Variants in EDARADD observed in about 807,000 individuals in gnomAD.
The protein encoded by EDARADD is ectodysplasin-A receptor-associated adapter protein.
A neutral mutation model predicts 25.6 loss-of-function variants in EDARADD; 20 were observed. The ratio of observed to expected loss-of-function variants is 0.78; its 90% confidence interval spans 0.55 to 1.14. The LOEUF is 1.14. Among genes scored for constraint, EDARADD ranks in the 50% most tolerant of loss-of-function variants. The pLI, the probability that EDARADD is intolerant of heterozygous loss-of-function variation, is 0.00. For synonymous variants in EDARADD, 86 were observed against 94.4 expected, an observed-to-expected ratio of 0.91 and a Z score of 0.52; for missense variants, 225 against 270.1, an observed-to-expected ratio of 0.83 and a Z score of 1.17.
At chr1:236,426,258 G>A (rs983595848) in intron 3 of EDARADD, among the ~76,000 whole-genome samples, 26 of 152,070 alleles carry the variant, frequency 1.7e-4, no homozygotes, top group Admixed American at 1.4e-3. Context: ...CATTACAGGC[G>A]TGAGCCACCA....
At chr1:236,373,797 C>T (rs1010922620) in intron 3 of EDARADD, among the ~76,000 whole-genome samples, 3 of 152,136 alleles carry the variant, frequency 2.0e-5, no homozygotes, top group Non-Finnish European at 4.4e-5. Flanking sequence ...TACATTCAAA[C>T]TATAAATTTC....
Position 236,482,788 on chromosome 1 carries a change from T to C in EDARADD, c.*139T>C. 1 of 1,251,928 alleles carries C rather than the reference T, an allele frequency of 8.0e-7. No homozygotes were observed. Among genetic ancestry groups the C allele is most frequent in the Non-Finnish European group, 1.1e-6 (1 of 884,112 alleles). 77.6% of individuals were successfully genotyped at this position (1,251,928 alleles called of 1,614,324 possible). A position where few individuals can be genotyped will look rare whatever the true frequency, so the allele number is the denominator to read the frequency against. ...CACTGGTTTTCCCCAAAGCTGGCAG[T>C]TTTGTGGAGGGGTAGCTTGTTTCGG... On this transcript the variant is annotated 3_prime_UTR_variant, in exon 6 of 6. Transcript: ENST00000334232.
intron 4 of EDARADD, among the ~76,000 whole-genome samples, chr1:236,438,835 C>T (rs183565958): frequency 1.3e-5 from 2 of 152,226 alleles, no homozygotes; most frequent in East Asian, 1.9e-4. Context: ...GATGAACCTA[C>T]GCTGACACAC....
Position 236,454,597 on chromosome 1 carries a change from G to A in EDARADD, c.220-13634G>A, listed in dbSNP as rs1424592495. On this transcript the variant is annotated intron_variant, in intron 4 of 5. Transcript: ENST00000334232. The stretch of plus-strand genomic sequence containing the variant: ...AAAGAGCCTGGGGCCTAGCTGCCCA[G>A]TTTGACAACTTGGCATCTTAAAGCC... 2.6e-5 allele frequency among the ~76,000 whole-genome samples: 4 copies of A among 152,220 alleles called. No individual in the cohort carries two copies. The East Asian group carries it at 5.8e-4, about 22-fold the overall frequency.
chr1:236,480,423 C>T lies in EDARADD; in HGVS notation c.266-1844C>T, dbSNP rs80109849. Among the ~76,000 whole-genome samples the T allele has an allele frequency of 2.6e-3, 391 of 151,912 alleles. 2 individuals carry two copies. The highest frequency in any genetic ancestry group is 4.4e-3 in the Non-Finnish European group (299 of 67,970). ...TGGATTATCTCCTTAGGGTGGATTC[C>T]CAGAAGTCACATTAGTAGGTCAAAG... is the stretch of plus-strand genomic sequence containing the variant. On this transcript the variant is annotated intron_variant, in intron 5 of 5. Coordinates refer to ENST00000334232, the MANE Select transcript of EDARADD (RefSeq NM_145861.4).
chr1:236,377,111 C>CAT (rs1199080371), intron 3 of EDARADD, among the ~76,000 whole-genome samples: 4 of 148,188 alleles, frequency 2.7e-5, no homozygotes. Context: ...CAGCCCTTAA[C>CAT]ATATATATAT....
chr1:236,460,841 G>A (rs748186557), intron 4 of EDARADD, among the ~76,000 whole-genome samples: 1 of 148,714 alleles, frequency 6.7e-6, no homozygotes, highest in Non-Finnish European at 1.5e-5. Flanking sequence ...GTATTTTTTT[G>A]AGACGTAGTC....
At chr1:236,406,401 A>C (rs145226246) in intron 1 of EDARADD, among the ~76,000 whole-genome samples, 178 of 152,298 alleles carry the variant, frequency 1.2e-3, no homozygotes, top group African/African-American at 4.0e-3. Flanking sequence ...GCATCACTAC[A>C]TGGTTTCGTA....
chr1:236,413,127 G>A (rs1657541743), intron 2 of EDARADD, among the ~76,000 whole-genome samples: 1 of 152,204 alleles, frequency 6.6e-6, no homozygotes. Flanking sequence ...GCCTCCCAAA[G>A]TGCTGGGATT....
chr1:236,467,948 A>G (rs1167340829), intron 4 of EDARADD, among the ~76,000 whole-genome samples: 1 of 152,102 alleles, frequency 6.6e-6, no homozygotes. Context: ...TAGGGACATT[A>G]GTGCATTTAG....
At chr1:236,401,057 G>A (rs960980204) in intron 1 of EDARADD, among the ~76,000 whole-genome samples, 1 of 151,866 alleles carries the variant, frequency 6.6e-6, no homozygotes, top group Non-Finnish European at 1.5e-5. Flanking sequence ...AATTAGCTGG[G>A]CACCTGTGAT....
At chr1:236,446,013 C>T (rs771714449) in intron 4 of EDARADD, among the ~76,000 whole-genome samples, 1 of 152,060 alleles carries the variant, frequency 6.6e-6, no homozygotes, top group Non-Finnish European at 1.5e-5. Context: ...AGTGAGAAGT[C>T]GTGATTCATT....
At chr1:236,357,084 CA>C (rs1421593680) in intron 3 of EDARADD, among the ~76,000 whole-genome samples, 1 of 96,628 alleles carries the variant, frequency 1.0e-5, no homozygotes, top group Non-Finnish European at 2.1e-5. Flanking sequence ...GGCTCTGTCT[CA>C]AATAAAAAAT....
At position 236,471,027 on chromosome 1, in the gene EDARADD, G is replaced by A. The variant is rs114508228; in HGVS notation, c.265+2751G>A. ...CAAAGTGCTGGCATTACAGGCCTCCGCCACCGCACCCAGCCCAACCTGGGT... is the reference window on the plus strand; with the variant it reads ...CAAAGTGCTGGCATTACAGGCCTCCACCACCGCACCCAGCCCAACCTGGGT... On this transcript the variant is annotated intron_variant, in intron 5 of 5. Coordinates refer to ENST00000334232, the MANE Select transcript of EDARADD (RefSeq NM_145861.4). Among the ~76,000 whole-genome samples, 947 of 152,264 alleles carry A rather than the reference G, an allele frequency of 6.2e-3. 7 individuals are homozygous for A. Among genetic ancestry groups the A allele is most frequent in the Middle Eastern group, 0.031 (9 of 294 alleles).
intron 1 of EDARADD, among the ~76,000 whole-genome samples, chr1:236,399,937 G>A (rs369700556): frequency 6.8e-4 from 104 of 152,336 alleles, no homozygotes; most frequent in African/African-American, 2.4e-3. Flanking sequence ...TGCCCCTCCT[G>A]TGGGCTTCAA....
In EDARADD at chr1:236,395,528, T is replaced by A; in HGVS notation, c.61+1023T>A. On this transcript the variant is annotated intron_variant, in intron 1 of 5. Transcript: ENST00000334232. This position sits in a 1 kb window ranked among gnomAD's most constrained non-coding sequence, Gnocchi z 6.9. ...AGAGCCACGGTTTGCTCCAGGCGCG[T>A]CGGAACCGCAGGACTTTTCATCCCC... is the stretch of plus-strand genomic sequence containing the variant. The A allele has an allele frequency of 6.5e-7, 1 of 1,535,450 alleles. No homozygotes were observed. The highest frequency in any genetic ancestry group is 8.7e-7 in the Non-Finnish European group (1 of 1,145,322).
chr1:236,414,006 T>G (rs994566693), intron 2 of EDARADD, among the ~76,000 whole-genome samples: 3 of 151,870 alleles, frequency 2.0e-5, no homozygotes, highest in African/African-American at 7.3e-5. Context: ...AAGTGTAGTT[T>G]CGTGGTCCAA....
chr1:236,408,852 C>G (rs887018786), intron 1 of EDARADD, among the ~76,000 whole-genome samples: 2 of 152,034 alleles, frequency 1.3e-5, no homozygotes, highest in Non-Finnish European at 2.9e-5. Flanking sequence ...CTCCTGGGCT[C>G]AAGCGATTCT....
At chr1:236,363,006 A>AATATATATATAT (rs1184705463) in intron 3 of EDARADD, among the ~76,000 whole-genome samples, 12 of 42,946 alleles carry the variant, frequency 2.8e-4, no homozygotes, top group Non-Finnish European at 3.8e-4. Context: ...AAAAAAAAAA[A>AATATATATATAT]ATATATATAT....
Sources: gnomAD v4.1 joint callset for allele counts (sites outside exome capture counted in the v4.1 genomes callset) on GRCh38, gnomAD v4.1.1 for gene constraint, Gnocchi (gnomAD v3.1) non-coding constraint, MANE v1.5 for transcripts, NCBI Gene and HGNC (gene_info 2026-07-23, HGNC 2026-07-21) for gene names.